DAPK1: variants seen among roughly 807,000 people sequenced by gnomAD.
The protein encoded by DAPK1 is death-associated protein kinase 1.
A neutral mutation model predicts 144.9 loss-of-function variants in DAPK1; 56 were observed. That is an observed-to-expected ratio of 0.39 (90% confidence interval 0.31 to 0.48). DAPK1 has a LOEUF of 0.48. Among genes scored for constraint, DAPK1 ranks in the 20% least tolerant of loss-of-function variants. The pLI, the probability that DAPK1 is intolerant of heterozygous loss-of-function variation, is 0.95. For missense variants in DAPK1, 1,454 were observed against 1,875.4 expected, an observed-to-expected ratio of 0.78 and a Z score of 4.15; for synonymous variants, 690 against 749.0, an observed-to-expected ratio of 0.92 and a Z score of 1.29.
chr9:87,693,846 G>A (rs1278090656), intron 21 of DAPK1, among the ~76,000 whole-genome samples: 1 of 152,088 alleles, frequency 6.6e-6, no homozygotes, highest in African/African-American at 2.4e-5. Flanking sequence ...CTCCAGTGGT[G>A]CCTGTAATTT....
rs577449340 is a variant in DAPK1 at position 87,542,365 on chromosome 9, G to C, written c.62+43226G>C. On this transcript the variant is annotated intron_variant, in intron 2 of 25. Transcript: ENST00000408954. ...CTGATGCCATCATGCCCATTTTACA[G>C]ATGAGGAAATTGAGGGATTTGCTGA... 7.2e-5 allele frequency among the ~76,000 whole-genome samples: 11 copies of C among 152,310 alleles called. No homozygotes were observed. The South Asian group carries it at 2.3e-3, about 32-fold the overall frequency.
chr9:87,631,149 A>G (rs552179764), intron 3 of DAPK1, among the ~76,000 whole-genome samples: 27 of 152,254 alleles, frequency 1.8e-4, no homozygotes, highest in South Asian at 6.2e-4. Context: ...TCCACTCTGA[A>G]GAATCCTAAT....
At chr9:87,505,175 G>T (rs900928564) in intron 2 of DAPK1, among the ~76,000 whole-genome samples, 2 of 152,184 alleles carry the variant, frequency 1.3e-5, no homozygotes, top group African/African-American at 4.8e-5. Context: ...GCCTGACTCA[G>T]CAGGGAAATG....
At chr9:87,546,908 G>C (rs1397920094) in intron 2 of DAPK1, among the ~76,000 whole-genome samples, 1 of 152,188 alleles carries the variant, frequency 6.6e-6, no homozygotes, top group Non-Finnish European at 1.5e-5. Flanking sequence ...TGTAGTCCCA[G>C]CACTTTGGGA....
In DAPK1 at chr9:87,708,138, G is replaced by A. The variant is rs137979403; in HGVS notation, c.*774G>A. Reference sequence around the variant, plus strand: ...TGTTGCTCTAGGAAGACATTTTTCCGTTTGCTTTTGTTCCAATGTCAATGT... The same window carrying A: ...TGTTGCTCTAGGAAGACATTTTTCCATTTGCTTTTGTTCCAATGTCAATGT... On this transcript the variant is annotated 3_prime_UTR_variant, in exon 26 of 26. Transcript: ENST00000408954. The A allele has an allele frequency of 8.1e-5, 21 of 257,744 alleles. No homozygotes were observed. Among genetic ancestry groups the A allele is most frequent in the Admixed American group, 4.1e-4 (8 of 19,510 alleles). The allele number at this position is 257,744 out of a possible 1,614,324, so 16.0% of individuals were successfully genotyped here.
intron 2 of DAPK1, among the ~76,000 whole-genome samples, chr9:87,596,041 A>G (rs575154070): frequency 1.2e-3 from 179 of 151,620 alleles, no homozygotes; most frequent in African/African-American, 4.0e-3. Context: ...TCTGCCTCGT[A>G]GCTTCTTGAA....
At chr9:87,647,038 A>C (rs1007898658) in intron 13 of DAPK1, among the ~76,000 whole-genome samples, 1 of 152,062 alleles carries the variant, frequency 6.6e-6, no homozygotes, top group African/African-American at 2.4e-5. Flanking sequence ...TTTTGAAATC[A>C]TTTTTGATTT....
At chr9:87,677,642 C>T (rs774855855) in intron 19 of DAPK1, among the ~76,000 whole-genome samples, 5 of 152,190 alleles carry the variant, frequency 3.3e-5, no homozygotes, top group Non-Finnish European at 4.4e-5. Context: ...AGACTCGGGC[C>T]GGTACCAAGA....
rs769296964 is a variant in DAPK1, at chr9:87,697,023, C to T, written c.2430C>T (p.Ser810=). The part of the protein sequence containing the change: ...NAYLNGVGDF[S]VWEFSGNPVY... ...TTTCTGTAGGAGTTGGCGATTTCAG[C>T]GTGTGGGAGTTCTCTGGAAATCCTG... is the stretch of plus-strand genomic sequence containing the variant. Residue 810 remains serine (S), a synonymous_variant, in exon 22 of 26, where the codon AGC becomes AGT. Transcript: ENST00000408954. The T allele has an allele frequency of 1.0e-5, 16 of 1,574,804 alleles. No individual in the cohort carries two copies. The highest frequency in any genetic ancestry group is 1.4e-5 in the Non-Finnish European group (16 of 1,143,914).
In DAPK1 at chr9:87,498,026, C is replaced by G. The variant is rs17515986; in HGVS notation, c.-190C>G. 2,417 of 397,856 alleles carry G rather than the reference C, an allele frequency of 6.1e-3. 49 individuals carry two copies. The highest frequency in any genetic ancestry group is 0.05 in the East Asian group (1,404 of 28,016). 24.6% of individuals were successfully genotyped at this position (397,856 alleles called of 1,614,324 possible). On this transcript the variant is annotated 5_prime_UTR_variant, in exon 1 of 26. Coordinates refer to ENST00000408954, the MANE Select transcript of DAPK1 (RefSeq NM_004938.4). ...TCCCTAGCTGTGTTCCCGCCGCCGC[C>G]CCGGCTAGTCTCCGGCGCTGGCGCC...
chr9:87,497,370 C>CA (rs1587656828), upstream of DAPK1: 2 of 152,358 alleles, frequency 1.3e-5, no homozygotes, highest in East Asian at 3.9e-4. Flanking sequence ...ACTGATCCTC[C>CA]AAAATTACCT....
intron 20 of DAPK1, among the ~76,000 whole-genome samples, chr9:87,685,798 A>C (rs1824820962): frequency 6.6e-6 from 1 of 152,244 alleles, no homozygotes; most frequent in Non-Finnish European, 1.5e-5. Context: ...AATGAAAGTT[A>C]ATATCCCTAT....
intron 2 of DAPK1, among the ~76,000 whole-genome samples, chr9:87,555,785 A>G (rs1336450885): frequency 1.3e-5 from 2 of 152,356 alleles, no homozygotes; most frequent in African/African-American, 2.4e-5. Context: ...TTACAGGCGT[A>G]AGCCACTGCA....
In DAPK1 at chr9:87,499,058, G is replaced by A. The variant is rs753696195; in HGVS notation, c.-20G>A. Reference sequence around the variant, plus strand: ...CGGAGCTGAAGTGCCCTGGGCTTTGGTGAGGCGTGACAGTTTATCATGACC... The same window carrying A: ...CGGAGCTGAAGTGCCCTGGGCTTTGATGAGGCGTGACAGTTTATCATGACC... On this transcript the variant is annotated 5_prime_UTR_variant, in exon 2 of 26. The change creates a new upstream start codon in the 5' untranslated region. Transcript: ENST00000408954. 6.2e-6 allele frequency: 10 copies of A among 1,613,598 alleles called. No individual in the cohort carries two copies. The African/African-American group carries it at 1.2e-4, about 19-fold the overall frequency.
chr9:87,646,118 T>TG, intron 12 of DAPK1, 104 bp downstream of exon 12: 15 of 1,379,066 alleles, frequency 1.1e-5, no homozygotes, highest in Non-Finnish European at 1.4e-5. Flanking sequence ...CCCTTCCAAT[T>TG]GGAAGCTCCA....
At chr9:87,542,392 A>G (rs918524001) in intron 2 of DAPK1, among the ~76,000 whole-genome samples, 1 of 152,182 alleles carries the variant, frequency 6.6e-6, no homozygotes. Flanking sequence ...ATTTGCTGAC[A>G]GTGACACAGA....
At chr9:87,523,557 C>T (rs1303451883) in intron 2 of DAPK1, among the ~76,000 whole-genome samples, 1 of 152,194 alleles carries the variant, frequency 6.6e-6, no homozygotes, top group African/African-American at 2.4e-5. Context: ...ACCTTGACCT[C>T]CCAAAGTGTT....
At chr9:87,528,217 TTC>T (rs1464913065) in intron 2 of DAPK1, among the ~76,000 whole-genome samples, 1 of 60,222 alleles carries the variant, frequency 1.7e-5, no homozygotes, top group Admixed American at 2.0e-4. Context: ...TTTTCTTTCT[TTC>T]TTTTTTTTTT....
chr9:87,692,952 CTTTTTTTTTTTT>C (rs61324273), intron 21 of DAPK1, among the ~76,000 whole-genome samples: 2 of 26,378 alleles, frequency 7.6e-5, no homozygotes, highest in Non-Finnish European at 8.1e-5. Context: ...AGTGACTAGA[CTTTTTTTTTTTT>C]TTTTTTTTTT....
Sources: allele counts gnomAD v4.1 joint callset (sites outside exome capture counted in the v4.1 genomes callset), GRCh38; gene constraint gnomAD v4.1.1; transcripts MANE v1.5; gene names NCBI Gene and HGNC (gene_info 2026-07-23, HGNC 2026-07-21).